The following CUL1 variants were observed in gnomAD, a reference collection of about 807,000 sequenced individuals.
The protein encoded by CUL1 is cullin-1.
A neutral mutation model predicts 118.0 loss-of-function variants in CUL1; 24 were observed. That is an observed-to-expected ratio of 0.20 (90% CI 0.15 to 0.29). CUL1 has a LOEUF of 0.29. Ranked by LOEUF, CUL1 falls within the 10% of genes least tolerant of loss-of-function variation. The probability of loss-of-function intolerance (pLI) is 1.00; values close to 1 mark genes in which losing one functional copy is unlikely to be tolerated. For synonymous variants in CUL1, 332 were observed against 340.4 expected (o/e 0.98, Z 0.27); for missense variants, 361 against 933.8 (o/e 0.39, Z 7.99).
At chr7:148,701,679 C>CT (rs1416983095) in intron 1 of CUL1, among the ~76,000 whole-genome samples, 1 of 152,148 alleles carries the variant, frequency 6.6e-6, no homozygotes, top group Non-Finnish European at 1.5e-5. Context: ...GGAACCATCC[C>CT]TTGGTCTCTG....
chr7:148,711,797 A>T (rs1229314437), intron 1 of CUL1, among the ~76,000 whole-genome samples: 1 of 152,252 alleles, frequency 6.6e-6, no homozygotes, highest in Non-Finnish European at 1.5e-5. Context: ...AATCAACTGC[A>T]GGGCAAACGG....
chr7:148,770,133 A>G (rs1179505789), intron 9 of CUL1, among the ~76,000 whole-genome samples: 1 of 152,226 alleles, frequency 6.6e-6, no homozygotes, highest in Non-Finnish European at 1.5e-5. Flanking sequence ...GTTAAAGCAA[A>G]AGTATACCTT....
chr7:148,715,934 CTGAG>C (rs1299901318), intron 1 of CUL1, among the ~76,000 whole-genome samples: 1 of 152,170 alleles, frequency 6.6e-6, no homozygotes, highest in East Asian at 1.9e-4. Context: ...AATTTTTAAA[CTGAG>C]TGTTTAATTT....
intron 1 of CUL1, among the ~76,000 whole-genome samples, chr7:148,723,436 C>G (rs1202854269): frequency 6.6e-6 from 1 of 152,144 alleles, no homozygotes; most frequent in Non-Finnish European, 1.5e-5. Flanking sequence ...CAACTGCCCT[C>G]CTGTAGAGCT....
At chr7:148,719,202 T>G (rs545074786) in intron 1 of CUL1, among the ~76,000 whole-genome samples, 1 of 152,126 alleles carries the variant, frequency 6.6e-6, no homozygotes, top group Non-Finnish European at 1.5e-5. Flanking sequence ...TCCCAGCTAC[T>G]CGGGAGGCTG....
At chr7:148,790,895 A>G (rs1053961787) in intron 16 of CUL1, among the ~76,000 whole-genome samples, 1 of 152,240 alleles carries the variant, frequency 6.6e-6, no homozygotes, top group Non-Finnish European at 1.5e-5. Flanking sequence ...AACCTAATTT[A>G]TACCTATGTA....
At chr7:148,760,661 T>G (rs1277850156) in intron 7 of CUL1, among the ~76,000 whole-genome samples, 165 bp downstream of exon 7, 2 of 152,260 alleles carry the variant, frequency 1.3e-5, no homozygotes, top group Admixed American at 6.5e-5. Flanking sequence ...TCCAAGGAGC[T>G]TCTATAAATT....
At chr7:148,757,549 C>T (rs543855712) in intron 4 of CUL1, among the ~76,000 whole-genome samples, 6 of 152,152 alleles carry the variant, frequency 3.9e-5, no homozygotes, top group Non-Finnish European at 7.4e-5. Context: ...GTCTGGGAAA[C>T]GCTGCTTCAT....
chr7:148,798,965 TG>T (rs926681149), intron 20 of CUL1, among the ~76,000 whole-genome samples: 1 of 152,154 alleles, frequency 6.6e-6, no homozygotes, highest in African/African-American at 2.4e-5. Context: ...GTGGGGAGGA[TG>T]GGCAGCTTCC....
At chr7:148,736,577 A>G (rs917043207) in intron 2 of CUL1, among the ~76,000 whole-genome samples, 5 of 152,230 alleles carry the variant, frequency 3.3e-5, no homozygotes, top group African/African-American at 1.2e-4. Flanking sequence ...TTGTGGGGTT[A>G]TAGGCATGAA....
At chr7:148,752,399 T>C (rs1247729905) in intron 2 of CUL1, among the ~76,000 whole-genome samples, 1 of 152,196 alleles carries the variant, frequency 6.6e-6, no homozygotes, top group Non-Finnish European at 1.5e-5. Context: ...TTTATTGTAA[T>C]CTGTGATTCT....
intron 7 of CUL1, among the ~76,000 whole-genome samples, chr7:148,764,433 T>C (rs1799937877): frequency 6.6e-6 from 1 of 152,200 alleles, no homozygotes; most frequent in Non-Finnish European, 1.5e-5. Flanking sequence ...TGAATGTTTC[T>C]GTAATCACCT....
At chr7:148,723,761 C>G (rs952802494) in intron 1 of CUL1, among the ~76,000 whole-genome samples, 1 of 148,900 alleles carries the variant, frequency 6.7e-6, no homozygotes, top group East Asian at 2.0e-4. Context: ...CCCCAAAGAG[C>G]TAGAAGTCAG....
At chr7:148,713,861 C>T (rs1345480578) in intron 1 of CUL1, among the ~76,000 whole-genome samples, 2 of 152,112 alleles carry the variant, frequency 1.3e-5, no homozygotes, top group African/African-American at 4.8e-5. Flanking sequence ...GTAGCTGTGA[C>T]TACAGGTGTG....
intron 1 of CUL1, among the ~76,000 whole-genome samples, chr7:148,715,921 G>A (rs1798199766): frequency 6.6e-6 from 1 of 152,184 alleles, no homozygotes; most frequent in South Asian, 2.1e-4. Context: ...TTGCTAGTAT[G>A]AGAATTTTTA....
rs79016794 is a variant in CUL1 at position 148,780,747 on chromosome 7, A to T, written c.1084-3036A>T. Among the ~76,000 whole-genome samples, 287 of 152,380 alleles carry T rather than the reference A, an allele frequency of 1.9e-3. 3 individuals are homozygous for T. The East Asian group carries it at 0.04, about 21-fold the overall frequency. On this transcript the variant is annotated intron_variant, in intron 9 of 21. Transcript: ENST00000325222. ...CCCTGGGAGATGTCCTGTTTCTTAC[A>T]TGTGAAAAGCTCTCGTGAATACACA...
At chr7:148,711,410 G>A (rs1010949388) in intron 1 of CUL1, among the ~76,000 whole-genome samples, 4 of 152,168 alleles carry the variant, frequency 2.6e-5, no homozygotes, top group Non-Finnish European at 4.4e-5. Context: ...AGTGGTTCAG[G>A]GACCACGGGG....
chr7:148,785,430 C>T (rs934286053), intron 11 of CUL1, among the ~76,000 whole-genome samples: 2 of 151,948 alleles, frequency 1.3e-5, no homozygotes, highest in Non-Finnish European at 2.9e-5. Context: ...ACAATCTCGG[C>T]TCACTGCAAC....
chr7:148,726,128 AGATT>A (rs1271063897), intron 1 of CUL1, among the ~76,000 whole-genome samples: 1 of 152,254 alleles, frequency 6.6e-6, no homozygotes, highest in Non-Finnish European at 1.5e-5. Flanking sequence ...TTGATCTCAT[AGATT>A]AACAGTACGT....
Sources: gnomAD v4.1 joint callset for allele counts (sites outside exome capture counted in the v4.1 genomes callset) on GRCh38, gnomAD v4.1.1 for gene constraint, MANE v1.5 for transcripts, NCBI Gene and HGNC (gene_info 2026-07-23, HGNC 2026-07-21) for gene names.